Variants in SOX6 observed in about 807,000 individuals in gnomAD.
SOX6 encodes the protein SRY-box transcription factor 6.
A neutral mutation model predicts 97.8 loss-of-function variants in SOX6; 11 were observed. The ratio of observed to expected loss-of-function variants is 0.11; its 90% CI spans 0.07 to 0.19. The LOEUF is 0.19. Ranked by LOEUF, SOX6 falls within the 10% of genes least tolerant of loss-of-function variation. The pLI, the probability that SOX6 is intolerant of heterozygous loss-of-function variation, is 1.00. For missense variants in SOX6, 810 were observed against 1,039.5 expected (o/e 0.78, Z 3.04); for synonymous variants, 360 against 371.4 (o/e 0.97, Z 0.35).
intron 6 of SOX6, among the ~76,000 whole-genome samples, chr11:16,177,954 G>A (rs1429387172): frequency 1.3e-5 from 2 of 151,906 alleles, no homozygotes; most frequent in Non-Finnish European, 2.9e-5. Flanking sequence ...GGAGTACAGT[G>A]CAGTCTAAGA....
chr11:16,292,266 G>A (rs1590099181), intron 3 of SOX6, among the ~76,000 whole-genome samples: 1 of 152,068 alleles, frequency 6.6e-6, no homozygotes, highest in South Asian at 2.1e-4. Context: ...ACTAATTAAT[G>A]TTGTTTATAT....
At chr11:16,172,255 AC>A (rs1486919498) in intron 6 of SOX6, among the ~76,000 whole-genome samples, 1 of 152,016 alleles carries the variant, frequency 6.6e-6, no homozygotes, top group Non-Finnish European at 1.5e-5. Flanking sequence ...TGCAATTAAT[AC>A]CTTAGCAAAG....
chr11:16,404,032 C>T (rs1467450678), intron 1 of SOX6, among the ~76,000 whole-genome samples: 1 of 151,678 alleles, frequency 6.6e-6, no homozygotes, highest in Non-Finnish European at 1.5e-5. Flanking sequence ...TGTAGAAAAG[C>T]ACTGTTTACA....
At chr11:16,283,017 G>A (rs1854609817) in intron 3 of SOX6, among the ~76,000 whole-genome samples, 1 of 18,270 alleles carries the variant, frequency 5.5e-5, no homozygotes, top group Non-Finnish European at 2.0e-4. Flanking sequence ...TATGAGATGT[G>A]AGTATATATA....
At chr11:16,685,358 T>C (rs1268165345) in intron 3 of SOX6, among the ~76,000 whole-genome samples, 1 of 152,202 alleles carries the variant, frequency 6.6e-6, no homozygotes, top group Non-Finnish European at 1.5e-5. Flanking sequence ...CATGAGCCTG[T>C]AAACTAAAAT....
In SOX6 at chr11:16,520,262, A is replaced by T. The variant is rs117869542; in HGVS notation, n.610-43874T>A. Among the ~76,000 whole-genome samples, 641 of 152,322 alleles carry T rather than the reference A, an allele frequency of 4.2e-3. 2 individuals carry two copies. Among genetic ancestry groups the T allele is most frequent in the Non-Finnish European group, 5.7e-3 (385 of 68,022 alleles). On this transcript the variant is annotated intron_variant and non_coding_transcript_variant, in intron 4 of 5. Coordinates refer to the SOX6 transcript ENST00000524520. ...TTTGCTTTTGAGGTCATAGTCATGA[A>T]TTCTTTGCCTAGGCCAATGATGAGA...
chr11:16,071,939 G>A (rs1327171215), intron 9 of SOX6, among the ~76,000 whole-genome samples: 1 of 151,410 alleles, frequency 6.6e-6, no homozygotes, highest in Non-Finnish European at 1.5e-5. Flanking sequence ...AACATTCAAA[G>A]GATAGCAGCT....
intron 4 of SOX6, among the ~76,000 whole-genome samples, chr11:16,593,936 T>C (rs1848182135): frequency 6.6e-6 from 1 of 152,146 alleles, no homozygotes; most frequent in African/African-American, 2.4e-5. Context: ...TCATGTACAA[T>C]ATAAAGGGGT....
chr11:16,735,573 T>G (rs1385441059), intron 2 of SOX6, among the ~76,000 whole-genome samples: 1 of 152,186 alleles, frequency 6.6e-6, no homozygotes, highest in Non-Finnish European at 1.5e-5. Flanking sequence ...AATGTTGGGT[T>G]ATATTGGCAC....
At position 16,039,069 on chromosome 11, in the gene SOX6, TC is replaced by T. The variant is rs202087378; in HGVS notation, c.1623+7444del. Among the ~76,000 whole-genome samples, 511 of 152,226 alleles carry T rather than the reference TC, an allele frequency of 3.4e-3. 2 individuals carry two copies. Among genetic ancestry groups the T allele is most frequent in the African/African-American group, 0.012 (478 of 41,558 alleles). On this transcript the variant is annotated intron_variant, in intron 12 of 15. Coordinates refer to ENST00000683767, the MANE Select transcript of SOX6 (RefSeq NM_001367873.1). ...AAGCTCACAATCGAGTCTGTGGCCA[TC>T]CTTTAGCAATTAGGTAAATATGTAT...
At chr11:16,227,404 C>T (rs1029410957) in intron 4 of SOX6, among the ~76,000 whole-genome samples, 2 of 151,748 alleles carry the variant, frequency 1.3e-5, no homozygotes, top group African/African-American at 4.8e-5. Context: ...TTGATTCATT[C>T]GTTCAACAAA....
At chr11:16,564,052 G>A (rs950326990) in intron 4 of SOX6, among the ~76,000 whole-genome samples, 6 of 152,048 alleles carry the variant, frequency 3.9e-5, no homozygotes, top group African/African-American at 1.4e-4. Context: ...ATTCTCAAAT[G>A]AAGGAAAATG....
chr11:16,704,164 C>G lies in SOX6; in HGVS notation n.429+10666G>C, dbSNP rs150251130. On this transcript the variant is annotated intron_variant and non_coding_transcript_variant, in intron 3 of 5. Coordinates refer to the SOX6 transcript ENST00000524520. Reference sequence around the variant, plus strand: ...TCTGGATTACCAGAAAGCCTAAAACCAGATATTGTAATCAATTCAGCTAAA... The same window carrying G: ...TCTGGATTACCAGAAAGCCTAAAACGAGATATTGTAATCAATTCAGCTAAA... Among the ~76,000 whole-genome samples the G allele has an allele frequency of 2.6e-5, 4 of 152,180 alleles. No individual in the cohort carries two copies. In the East Asian group the frequency reaches 7.7e-4, roughly 29 times the overall value.
At chr11:16,346,820 T>C (rs1856788863) in intron 1 of SOX6, among the ~76,000 whole-genome samples, 1 of 152,018 alleles carries the variant, frequency 6.6e-6, no homozygotes, top group African/African-American at 2.4e-5. Context: ...TTGAAGCCCT[T>C]GAAGTGTGTC....
chr11:16,254,763 T>C (rs1238438560), intron 3 of SOX6, among the ~76,000 whole-genome samples: 1 of 151,944 alleles, frequency 6.6e-6, no homozygotes, highest in Non-Finnish European at 1.5e-5. Context: ...TATGGGTAGG[T>C]ACTAATCCAA....
intron 1 of SOX6, among the ~76,000 whole-genome samples, chr11:16,366,195 G>A (rs1050441969): frequency 6.6e-6 from 1 of 152,056 alleles, no homozygotes; most frequent in African/African-American, 2.4e-5. Context: ...ATGTCCTTTG[G>A]GATTAGACTA....
In SOX6 at chr11:16,255,396, T is replaced by C. The variant is rs115189776; in HGVS notation, c.446-20725A>G. On this transcript the variant is annotated intron_variant, in intron 3 of 15. Transcript: ENST00000683767. ...AACAAGTTGAAAACAATTGAAATAA[T>C]ATGTCTGCTCTCAAACCACAATGGT... Among the ~76,000 whole-genome samples, 815 of 152,126 alleles carry C rather than the reference T, an allele frequency of 5.4e-3. 7 individuals carry two copies. Among genetic ancestry groups the C allele is most frequent in the African/African-American group, 0.019 (778 of 41,548 alleles).
chr11:16,352,019 G>T (rs144697163), intron 1 of SOX6, among the ~76,000 whole-genome samples: 1,835 of 152,056 alleles, frequency 0.012, 16 homozygotes, highest in Non-Finnish European at 0.019. Context: ...TTAATAGGCA[G>T]AAATAAATTT....
Position 16,341,186 on chromosome 11 carries a change from G to A in SOX6, c.63C>T (p.Thr21=), listed in dbSNP as rs1447662977. The A allele has an allele frequency of 1.2e-6, 2 of 1,613,454 alleles. No homozygotes were observed. The highest frequency in any genetic ancestry group is 3.3e-5 in the Admixed American group (2 of 59,912). The change falls in exon 2 of 16, where the codon ACC becomes ACT. Residue 21 remains threonine, a synonymous_variant. Coordinates refer to ENST00000683767, the MANE Select transcript of SOX6 (RefSeq NM_001367873.1). ...CCTTTTCCCTTGAGGTTAAATCCTG[G>A]GTCATTGCATCCTCTCCATCAGCTG... ...ACAADGEDAM[T]QDLTSREKEE... is the part of the protein sequence containing the mutation.
Sources: gnomAD v4.1 joint callset for allele counts (sites outside exome capture counted in the v4.1 genomes callset) on GRCh38, gnomAD v4.1.1 for gene constraint, MANE v1.5 for transcripts, NCBI Gene and HGNC (gene_info 2026-07-23, HGNC 2026-07-21) for gene names.